FBXO16: variants seen among roughly 807,000 people sequenced by gnomAD.
The protein encoded by FBXO16 is F-box only protein 16.
FBXO16 carries 31 observed loss-of-function variants against 41.0 expected under a neutral mutation model. The ratio of observed to expected loss-of-function variants is 0.76; its 90% confidence interval spans 0.57 to 1.02. The LOEUF (loss-of-function observed/expected upper bound fraction) is 1.02. Among genes scored for constraint, FBXO16 ranks in the 50% least tolerant of loss-of-function variants. The probability of loss-of-function intolerance (pLI) is 0.00; values close to 1 mark genes in which losing one functional copy is unlikely to be tolerated. For missense variants in FBXO16, 361 were observed against 346.2 expected, an observed-to-expected ratio of 1.04 and a Z score of -0.34; for synonymous variants, 133 against 117.8, an observed-to-expected ratio of 1.13 and a Z score of -0.84.
chr8:28,482,021 A>T (rs1049191562), intron 2 of FBXO16, among the ~76,000 whole-genome samples: 1 of 152,080 alleles, frequency 6.6e-6, no homozygotes, highest in Non-Finnish European at 1.5e-5. Context: ...TACGTGTATC[A>T]TTTACCTGGG....
intron 1 of FBXO16, among the ~76,000 whole-genome samples, chr8:28,484,944 C>G (rs1025813331): frequency 6.6e-6 from 1 of 152,078 alleles, no homozygotes; most frequent in African/African-American, 2.4e-5. Context: ...GACACGATCT[C>G]GGCTCACCAC....
intron 1 of FBXO16, among the ~76,000 whole-genome samples, chr8:28,487,807 T>C (rs1181841314): frequency 6.6e-6 from 1 of 152,066 alleles, no homozygotes; most frequent in Non-Finnish European, 1.5e-5. Flanking sequence ...TTTTTTGTGA[T>C]CTCCTTCCCT....
chr8:28,463,189 T>C (rs1393560633), intron 4 of FBXO16, among the ~76,000 whole-genome samples: 5 of 151,420 alleles, frequency 3.3e-5, no homozygotes. Flanking sequence ...TATATGTGTG[T>C]ATGTTTGTGT....
chr8:28,457,854 T>G (rs948988368), intron 4 of FBXO16, among the ~76,000 whole-genome samples: 1 of 152,248 alleles, frequency 6.6e-6, no homozygotes, highest in Non-Finnish European at 1.5e-5. Context: ...GCACTTATTA[T>G]GTACATACCA....
intron 7 of FBXO16, among the ~76,000 whole-genome samples, chr8:28,441,936 G>A (rs1219614532): frequency 0.056 from 7,507 of 134,488 alleles, 704 homozygotes; most frequent in African/African-American, 0.21. Flanking sequence ...GTGTGTGTGT[G>A]TGTGTGTGTA....
chr8:28,432,128 A>AGAGTGT (rs1351781472), intron 7 of FBXO16, among the ~76,000 whole-genome samples: 1 of 142,814 alleles, frequency 7.0e-6, no homozygotes, highest in Non-Finnish European at 1.5e-5. Context: ...CTATGTATGG[A>AGAGTGT]GTGTGTGTGT....
Position 28,463,729 on chromosome 8 carries a change from T to C in FBXO16, c.225A>G (p.Arg75=). 2 of 1,614,234 alleles carry C rather than the reference T, an allele frequency of 1.2e-6. No homozygotes were observed. The highest frequency in any genetic ancestry group is 1.7e-6 in the Non-Finnish European group (2 of 1,180,030). ...CSLSQQKFCC[R]KLQEKIPAEA... is the part of the protein sequence containing the mutation. The stretch of plus-strand genomic sequence containing the variant: ...CTGCTGGAATTTTCTCTTGAAGCTT[T>C]CGACAGCAGAACTTTTGCTGGGACA... Residue 75 remains arginine (R), a synonymous_variant, in exon 4 of 9, where the codon CGA becomes CGG. Transcript: ENST00000380254.
chr8:28,452,488 A>G lies in FBXO16; in HGVS notation c.508-12T>C. The G allele has an allele frequency of 6.2e-7, 1 of 1,612,344 alleles. No individual in the cohort carries two copies. The highest frequency in any genetic ancestry group is 1.7e-5 in the Admixed American group (1 of 59,910). On this transcript the variant is annotated splice_polypyrimidine_tract_variant and intron_variant, in intron 5 of 8. Transcript: ENST00000380254. ...TCCTTTGGGGGTGTCTAGAAGAAGAAAGTTAATTATGTTCTCAAAACACTA... is the reference window on the plus strand; with the variant it reads ...TCCTTTGGGGGTGTCTAGAAGAAGAGAGTTAATTATGTTCTCAAAACACTA...
intron 7 of FBXO16, among the ~76,000 whole-genome samples, chr8:28,433,460 T>C (rs982650617): frequency 1.3e-5 from 2 of 152,190 alleles, no homozygotes; most frequent in African/African-American, 4.8e-5. Context: ...TGTGGTCCCA[T>C]AGGTACCTCC....
At position 28,428,594 on chromosome 8, in the gene FBXO16, C is replaced by T; in HGVS notation, c.*133G>A. The stretch of plus-strand genomic sequence containing the variant: ...CTTTGGCTCTGGAACCTGGATGAGT[C>T]ATGCTTGGGGCCCAGGGTGCCTGTG... On this transcript the variant is annotated 3_prime_UTR_variant, in exon 9 of 9. Transcript: ENST00000380254. 6.4e-7 allele frequency: 1 copy of T among 1,551,158 alleles called. No homozygotes were observed. The highest frequency in any genetic ancestry group is 8.7e-7 in the Non-Finnish European group (1 of 1,146,948).
intron 4 of FBXO16, among the ~76,000 whole-genome samples, chr8:28,463,302 G>T (rs529633361): frequency 7.7e-4 from 117 of 151,364 alleles, no homozygotes; most frequent in African/African-American, 2.6e-3. Context: ...GTTTGTGTGT[G>T]TTTGTGTGTG....
intron 6 of FBXO16, among the ~76,000 whole-genome samples, chr8:28,449,789 T>C (rs1299414418): frequency 6.6e-6 from 1 of 151,600 alleles, no homozygotes; most frequent in African/African-American, 2.4e-5. Flanking sequence ...CTGGCCAACA[T>C]GGTGAAACCT....
Position 28,456,186 on chromosome 8 carries a change from TAAG to T in FBXO16, c.507+577_507+579del, listed in dbSNP as rs371351733. Among the ~76,000 whole-genome samples, 689 of 138,226 alleles carry T rather than the reference TAAG, an allele frequency of 5.0e-3. 3 individuals carry two copies. The highest frequency in any genetic ancestry group is 0.019 in the African/African-American group (656 of 35,098). The allele number at this position is 138,226 out of a possible 152,430, so 90.7% of individuals were successfully genotyped here. ...GAATATAAGCATTGGTTAGAATGCC[TAAG>T]AAGCCACTAGAAAAAAAAAATTCTT... On this transcript the variant is annotated intron_variant, in intron 5 of 8. Transcript: ENST00000380254.
At chr8:28,483,549 T>C in intron 1 of FBXO16, 87 bp from the exon 2 acceptor site, 2 of 898,570 alleles carry the variant, frequency 2.2e-6, no homozygotes, top group East Asian at 5.0e-5. Flanking sequence ...CCAGGCACGA[T>C]GGCTCACGCC....
intron 7 of FBXO16, among the ~76,000 whole-genome samples, chr8:28,432,203 G>A (rs146993874): frequency 4.3e-4 from 65 of 151,896 alleles, no homozygotes; most frequent in Non-Finnish European, 7.9e-4. Context: ...GCCGGGTGCA[G>A]TGGCTCACGC....
intron 2 of FBXO16, among the ~76,000 whole-genome samples, chr8:28,477,379 G>A (rs537061886): frequency 6.6e-6 from 1 of 152,160 alleles, no homozygotes; most frequent in South Asian, 2.1e-4. Flanking sequence ...CTGTCTCCTC[G>A]GGCATCTATT....
At chr8:28,463,512 G>A in intron 4 of FBXO16, 100 bp downstream of exon 4, 1 of 1,106,154 alleles carries the variant, frequency 9.0e-7, no homozygotes, top group South Asian at 1.5e-5. Flanking sequence ...ATATATGTGT[G>A]TGTGTGTATG....
chr8:28,489,942 C>T (rs542672543), intron 1 of FBXO16, among the ~76,000 whole-genome samples: 1 of 152,336 alleles, frequency 6.6e-6, no homozygotes, highest in South Asian at 2.1e-4. Flanking sequence ...ACGAATTCAT[C>T]TTCCGCTTAA....
rs188757008 is a variant in FBXO16 at position 28,439,900 on chromosome 8, A to G, written c.843+7271T>C. ...TCTGTTTTGGTTCATTATACTTCCT[A>G]AAGTTCAAAGAAAAAGACTGGAAAC... On this transcript the variant is annotated intron_variant, in intron 7 of 8. Transcript: ENST00000380254. Among the ~76,000 whole-genome samples the G allele has an allele frequency of 7.2e-5, 11 of 152,164 alleles. No homozygotes were observed. The East Asian group carries it at 2.1e-3, about 29-fold the overall frequency.
Sources: allele counts gnomAD v4.1 joint callset (sites outside exome capture counted in the v4.1 genomes callset), GRCh38; gene constraint gnomAD v4.1.1; transcripts MANE v1.5; gene names NCBI Gene and HGNC (gene_info 2026-07-23, HGNC 2026-07-21).